LRRC4C: variants seen among roughly 807,000 people sequenced by gnomAD.
LRRC4C encodes leucine-rich repeat-containing protein 4C.
In LRRC4C, 5 loss-of-function variants were observed where a neutral mutation model predicts 33.6. That is an observed-to-expected ratio of 0.15 (90% CI 0.08 to 0.31). The LOEUF (loss-of-function observed/expected upper bound fraction) is 0.31. Ranked by LOEUF, LRRC4C falls within the 10% of genes least tolerant of loss-of-function variation. The pLI is 1.00. For missense variants in LRRC4C, 560 were observed against 796.7 expected, an observed-to-expected ratio of 0.70 and a Z score of 3.58; for synonymous variants, 329 against 302.0, an observed-to-expected ratio of 1.09 and a Z score of -0.93.
chr11:40,794,702 T>C (rs537576748), intron 2 of LRRC4C, among the ~76,000 whole-genome samples: 1 of 152,272 alleles, frequency 6.6e-6, no homozygotes, highest in East Asian at 1.9e-4. Flanking sequence ...TTCCTATGAG[T>C]AATACTGATA....
chr11:40,494,062 T>C (rs1039806212), intron 3 of LRRC4C, among the ~76,000 whole-genome samples: 5 of 152,084 alleles, frequency 3.3e-5, no homozygotes, highest in African/African-American at 9.7e-5. Context: ...GCTATATTTA[T>C]CTAATGAAGG....
chr11:40,393,941 GA>G (rs932864885), intron 3 of LRRC4C, among the ~76,000 whole-genome samples: 81 of 151,336 alleles, frequency 5.4e-4, no homozygotes, highest in African/African-American at 1.9e-3. Context: ...ACTCTTAAGA[GA>G]AAAAAAATGG....
At chr11:41,343,721 TCA>T (rs1951712365) in intron 1 of LRRC4C, among the ~76,000 whole-genome samples, 1 of 152,188 alleles carries the variant, frequency 6.6e-6, no homozygotes, top group African/African-American at 2.4e-5. Context: ...ATTAATAAAA[TCA>T]CATATTTATT....
chr11:40,213,406 A>G (rs1565142230), intron 5 of LRRC4C, among the ~76,000 whole-genome samples: 1 of 152,124 alleles, frequency 6.6e-6, no homozygotes, highest in African/African-American at 2.4e-5. Context: ...CACGCTGGAC[A>G]AAATGTTGGG....
chr11:40,201,520 T>C (rs1468927541), intron 5 of LRRC4C, among the ~76,000 whole-genome samples: 2 of 152,178 alleles, frequency 1.3e-5, no homozygotes, highest in African/African-American at 4.8e-5. Context: ...GCTTTCTTGT[T>C]TTCCCCCTCA....
chr11:40,525,056 G>GA (rs11417515), intron 3 of LRRC4C, among the ~76,000 whole-genome samples: 51,428 of 151,946 alleles, frequency 0.34, 10,485 homozygotes, highest in East Asian at 0.65. Context: ...AGCATAGCAA[G>GA]AAGAAGAATA....
intron 1 of LRRC4C, among the ~76,000 whole-genome samples, chr11:41,379,002 T>C (rs892787765): frequency 2.6e-5 from 4 of 152,088 alleles, no homozygotes; most frequent in Admixed American, 6.6e-5. Flanking sequence ...GTATATTCAT[T>C]TTCATGCTTG....
At chr11:41,443,049 G>GTTATTTATCTAT (rs1484530437) in intron 1 of LRRC4C, among the ~76,000 whole-genome samples, 3 of 123,218 alleles carry the variant, frequency 2.4e-5, no homozygotes, top group African/African-American at 1.0e-4. Context: ...ACCCCTTCTA[G>GTTATTTATCTAT]TTATTTATTT....
intron 1 of LRRC4C, among the ~76,000 whole-genome samples, chr11:41,126,456 G>T (rs1263980790): frequency 3.3e-5 from 5 of 151,760 alleles, no homozygotes; most frequent in Non-Finnish European, 7.4e-5. Context: ...CATCAATCTT[G>T]GTGACATGTT....
intron 3 of LRRC4C, among the ~76,000 whole-genome samples, chr11:40,381,954 G>GTTTTTTTTT (rs34415574): frequency 1.2e-5 from 1 of 85,914 alleles, no homozygotes; most frequent in Non-Finnish European, 2.1e-5. Flanking sequence ...ATCAGTCAGC[G>GTTTTTTTTT]TTTTTTTTTT....
chr11:40,130,766 T>C (rs1251943738), intron 6 of LRRC4C, among the ~76,000 whole-genome samples: 1 of 152,208 alleles, frequency 6.6e-6, no homozygotes, highest in Non-Finnish European at 1.5e-5. Context: ...TCTCCCACTG[T>C]TCTTAATACA....
intron 3 of LRRC4C, among the ~76,000 whole-genome samples, chr11:40,585,047 A>G (rs1317601221): frequency 2.6e-5 from 4 of 152,152 alleles, no homozygotes; most frequent in Admixed American, 6.5e-5. Context: ...GAACAGAGGA[A>G]ATACCATGTA....
intron 4 of LRRC4C, among the ~76,000 whole-genome samples, chr11:40,310,648 A>G (rs1812002481): frequency 6.6e-6 from 1 of 152,154 alleles, no homozygotes; most frequent in South Asian, 2.1e-4. Flanking sequence ...CTACACTCTT[A>G]TAAGCATTAA....
At chr11:40,143,868 C>T (rs564058048) in intron 5 of LRRC4C, among the ~76,000 whole-genome samples, 1 of 152,192 alleles carries the variant, frequency 6.6e-6, no homozygotes, top group East Asian at 1.9e-4. Context: ...GATGAATCTC[C>T]AAAAGTAGCC....
chr11:40,648,829 G>T (rs2136133176), intron 2 of LRRC4C, among the ~76,000 whole-genome samples: 1 of 152,184 alleles, frequency 6.6e-6, no homozygotes, highest in Non-Finnish European at 1.5e-5. Flanking sequence ...ATAAGTGTCA[G>T]CCAGCTGAGA....
chr11:41,344,019 T>C (rs549427088), intron 1 of LRRC4C, among the ~76,000 whole-genome samples: 4 of 152,298 alleles, frequency 2.6e-5, no homozygotes, highest in African/African-American at 9.6e-5. Context: ...CCTTCCATTA[T>C]CTGAGCAAAC....
intron 5 of LRRC4C, among the ~76,000 whole-genome samples, chr11:40,145,163 T>A (rs192184241): frequency 1.3e-5 from 2 of 152,294 alleles, no homozygotes; most frequent in South Asian, 2.1e-4. Context: ...AATAGCTTAT[T>A]TGGTGAAATA....
intron 1 of LRRC4C, among the ~76,000 whole-genome samples, chr11:40,995,454 C>T (rs561031637): frequency 3.3e-5 from 5 of 151,926 alleles, no homozygotes; most frequent in South Asian, 2.1e-4. Context: ...GAAAATGGTG[C>T]TATTTTCCAC....
intron 3 of LRRC4C, among the ~76,000 whole-genome samples, chr11:40,492,917 T>C (rs888756234): frequency 6.6e-6 from 1 of 152,112 alleles, no homozygotes; most frequent in East Asian, 1.9e-4. Context: ...TTCTGCTACA[T>C]TGCTAGAATT....
Sources: gnomAD v4.1 joint callset for allele counts (sites outside exome capture counted in the v4.1 genomes callset) on GRCh38, gnomAD v4.1.1 for gene constraint, MANE v1.5 for transcripts, NCBI Gene and HGNC (gene_info 2026-07-23, HGNC 2026-07-21) for gene names.